Variants in UQCR11 observed in about 807,000 individuals in gnomAD.
UQCR11 encodes ubiquinol-cytochrome c reductase, complex III subunit XI, also known as cytochrome b-c1 complex subunit 10.
Under a neutral mutation model 7.6 loss-of-function variants are expected in UQCR11, and 10 were observed. The observed-to-expected ratio is 1.31, with a 90% CI of 0.81 to 2.22. The LOEUF (loss-of-function observed/expected upper bound fraction) is 2.22. Among genes scored for constraint, UQCR11 ranks in the 30% most tolerant of loss-of-function variants. The pLI is 0.00. For synonymous variants in UQCR11, 34 were observed against 34.9 expected, an observed-to-expected ratio of 0.97 and a Z score of 0.09; for missense variants, 86 against 75.1, an observed-to-expected ratio of 1.15 and a Z score of -0.54.
chr19:1,604,873 T>C (rs1240348140), intron 1 of UQCR11, among the ~76,000 whole-genome samples: 2 of 152,226 alleles, frequency 1.3e-5, no homozygotes, highest in Non-Finnish European at 2.9e-5. Context: ...CAGACAACCC[T>C]ACGGAGGCCA....
At position 1,603,898 on chromosome 19, in the gene UQCR11, A is replaced by G. The variant is rs150190430; in HGVS notation, c.50+1462T>C. ...CCCGACCTGTCCCCCAGTCTGGGAT[A>G]GAGGAAGTATGTTCTGGCTTCCGGA... On this transcript the variant is annotated intron_variant, in intron 1 of 2. Coordinates refer to ENST00000591899, the MANE Select transcript of UQCR11 (RefSeq NM_006830.4). Among the ~76,000 whole-genome samples, 491 of 152,332 alleles carry G rather than the reference A, an allele frequency of 3.2e-3. 3 individuals are homozygous for G. Among genetic ancestry groups the G allele is most frequent in the African/African-American group, 0.011 (467 of 41,586 alleles).
At chr19:1,603,000 T>C (rs2060751646) in intron 1 of UQCR11, among the ~76,000 whole-genome samples, 1 of 152,174 alleles carries the variant, frequency 6.6e-6, no homozygotes, top group East Asian at 1.9e-4. Flanking sequence ...AGAAGGGGTG[T>C]GGACTGCAGG....
At chr19:1,602,717 T>G (rs1329068002) in intron 1 of UQCR11, among the ~76,000 whole-genome samples, 2 of 152,120 alleles carry the variant, frequency 1.3e-5, no homozygotes, top group Admixed American at 1.3e-4. Context: ...CTCTCAAGGT[T>G]CTGGGATTAC....
intron 1 of UQCR11, among the ~76,000 whole-genome samples, chr19:1,601,237 C>T (rs2060746311): frequency 6.6e-6 from 1 of 152,112 alleles, no homozygotes; most frequent in East Asian, 1.9e-4. Context: ...TCTGGAGAAG[C>T]CAGCTGCCAT....
At chr19:1,605,269 G>T in intron 1 of UQCR11, 91 bp downstream of exon 1, 1 of 1,407,168 alleles carries the variant, frequency 7.1e-7, no homozygotes, top group Non-Finnish European at 9.3e-7. Context: ...GCCCGGCCCG[G>T]CCCCCGGAAA....
At chr19:1,604,684 C>T (rs1223302919) in intron 1 of UQCR11, among the ~76,000 whole-genome samples, 2 of 152,170 alleles carry the variant, frequency 1.3e-5, no homozygotes, top group Non-Finnish European at 2.9e-5. Context: ...CCCGCCACCA[C>T]GCCTGGCTAA....
At chr19:1,600,247 C>T (rs962620987) in intron 1 of UQCR11, among the ~76,000 whole-genome samples, 1 of 131,816 alleles carries the variant, frequency 7.6e-6, no homozygotes, top group African/African-American at 2.9e-5. Flanking sequence ...CGGAGTCTTG[C>T]TCTGTCACCA....
intron 1 of UQCR11, 115 bp from the exon 2 acceptor site, chr19:1,599,675 C>T (rs1443219768): frequency 2.7e-6 from 4 of 1,462,598 alleles, no homozygotes; most frequent in Admixed American, 2.2e-5. Context: ...GGCCTGGCAC[C>T]TGTGCCCGCC....
intron 1 of UQCR11, 39 bp from the exon 2 acceptor site, chr19:1,599,599 C>T: frequency 1.2e-6 from 2 of 1,600,030 alleles, no homozygotes; most frequent in South Asian, 1.1e-5. Context: ...TGCTCTGGAC[C>T]CTTTCTCCAA....
In UQCR11 at chr19:1,599,585, G is replaced by C. The variant is rs200918852; in HGVS notation, c.51-25C>G. On this transcript the variant is annotated intron_variant, in intron 1 of 2. Coordinates refer to ENST00000591899, the MANE Select transcript of UQCR11 (RefSeq NM_006830.4). Reference sequence around the variant, plus strand: ...CCTGCGAGAGGAGAGGGGATGGTCAGGCCTGCTCTGGACCCTTTCTCCAAG... The same window carrying C: ...CCTGCGAGAGGAGAGGGGATGGTCACGCCTGCTCTGGACCCTTTCTCCAAG... The C allele has an allele frequency of 7.1e-4, 1,143 of 1,603,170 alleles. 19 individuals carry two copies. The East Asian group carries it at 0.022, about 30-fold the overall frequency.
intron 2 of UQCR11, among the ~76,000 whole-genome samples, chr19:1,598,494 A>G (rs954467679): frequency 1.3e-5 from 2 of 152,090 alleles, no homozygotes; most frequent in Non-Finnish European, 2.9e-5. Flanking sequence ...CAGTGCGCCA[A>G]GATCGCGTCA....
rs370012358 is a variant in UQCR11 at position 1,605,424 on chromosome 19, A to T, written c.-15T>A. On this transcript the variant is annotated 5_prime_UTR_variant, in exon 1 of 3. Coordinates refer to ENST00000591899, the MANE Select transcript of UQCR11 (RefSeq NM_006830.4). ...CGGGTCACCATCGCGGCGGAGTCGC[A>T]CCCTCAGGATGACCCTGTCCAGCTG... 4.5e-6 allele frequency: 6 copies of T among 1,340,298 alleles called. No homozygotes were observed. The African/African-American group carries it at 1.0e-4, about 23-fold the overall frequency. 83.0% of individuals were successfully genotyped at this position (1,340,298 alleles called of 1,614,324 possible).
chr19:1,604,297 T>C (rs777788422), intron 1 of UQCR11, among the ~76,000 whole-genome samples: 2 of 152,190 alleles, frequency 1.3e-5, no homozygotes, highest in Non-Finnish European at 2.9e-5. Flanking sequence ...CAGGCTGGTC[T>C]CAAATTCCCA....
intron 1 of UQCR11, among the ~76,000 whole-genome samples, chr19:1,601,637 G>A (rs972338470): frequency 6.6e-6 from 1 of 150,400 alleles, no homozygotes; most frequent in African/African-American, 2.4e-5. Context: ...AATGAATCCA[G>A]CCAACAACCC....
At chr19:1,604,888 C>A (rs752543993) in intron 1 of UQCR11, among the ~76,000 whole-genome samples, 1 of 152,266 alleles carries the variant, frequency 6.6e-6, no homozygotes, top group South Asian at 2.1e-4. Context: ...AGGCCACCCC[C>A]AGCCCGGCTT....
chr19:1,603,542 G>A (rs547771136), intron 1 of UQCR11, among the ~76,000 whole-genome samples: 24 of 152,332 alleles, frequency 1.6e-4, no homozygotes, highest in African/African-American at 5.5e-4. Context: ...GGGAGGCGGA[G>A]CTTGCAGTGA....
intron 2 of UQCR11, 153 bp downstream of exon 2, chr19:1,599,259 A>T: frequency 9.7e-7 from 1 of 1,036,174 alleles, no homozygotes; most frequent in Non-Finnish European, 1.4e-6. Context: ...CGGAGATGCC[A>T]GAAGGGGCAC....
intron 1 of UQCR11, among the ~76,000 whole-genome samples, chr19:1,603,188 G>A (rs965595002): frequency 7.2e-5 from 11 of 152,282 alleles, no homozygotes; most frequent in South Asian, 4.1e-4. Context: ...CTCCCGCTTC[G>A]TTATTTTAGG....
Position 1,599,508 on chromosome 19 carries a change from C to T in UQCR11, c.103G>A (p.Ala35Thr). The T allele has an allele frequency of 6.2e-7, 1 of 1,613,414 alleles. No homozygotes were observed. The highest frequency in any genetic ancestry group is 8.5e-7 in the Non-Finnish European group (1 of 1,180,012). Residue 35 changes from alanine to threonine, a missense_variant, in exon 2 of 3, where the codon GCC becomes ACC. Coordinates refer to ENST00000591899, the MANE Select transcript of UQCR11 (RefSeq NM_006830.4). ...GAVGAVGLVW[A>T]TDWRLILDWV... ...TCCAGGATCAGCCGCCAATCGGTGG[C>T]CCACACCAGCCCCACGGCGCCCACA...
Sources: allele counts gnomAD v4.1 joint callset (sites outside exome capture counted in the v4.1 genomes callset), GRCh38; gene constraint gnomAD v4.1.1; transcripts MANE v1.5; gene names NCBI Gene and HGNC (gene_info 2026-07-23, HGNC 2026-07-21).